CDK11B: variants seen among roughly 807,000 people sequenced by gnomAD.
CDK11B encodes the protein cyclin dependent kinase 11B, also known as cyclin-dependent kinase 11B.
Under a neutral mutation model 84.0 loss-of-function variants are expected in CDK11B, and 37 were observed. That is an observed-to-expected ratio of 0.44 (90% CI 0.34 to 0.58). The LOEUF (loss-of-function observed/expected upper bound fraction) is 0.58. CDK11B is among the 20% of genes least tolerant of loss of function. The probability of loss-of-function intolerance (pLI) is 0.02; values close to 1 mark genes in which losing one functional copy is unlikely to be tolerated. For missense variants in CDK11B, 427 were observed against 834.0 expected (o/e 0.51, Z 6.01); for synonymous variants, 269 against 309.8 (o/e 0.87, Z 1.38).
intron 5 of CDK11B, chr1:1,645,932 G>A (rs551517067): frequency 1.4e-5 from 5 of 353,654 alleles, no homozygotes; most frequent in African/African-American, 6.5e-5. Flanking sequence ...TCCATCTCAC[G>A]AGTTCAAGTG....
intron 3 of CDK11B, among the ~76,000 whole-genome samples, chr1:1,654,771 G>A (rs942566133): frequency 5.3e-5 from 8 of 151,326 alleles, no homozygotes; most frequent in African/African-American, 1.9e-4. Context: ...CCATTCTCTT[G>A]CCTCAGCCTC....
At chr1:1,650,914 A>C (rs1641924808) in intron 4 of CDK11B, among the ~76,000 whole-genome samples, 2 of 152,174 alleles carry the variant, frequency 1.3e-5, no homozygotes, top group African/African-American at 4.8e-5. Flanking sequence ...AGAAGAGCAG[A>C]ATTGTAATAT....
chr1:1,641,272 G>T (rs1297411475), intron 9 of CDK11B, among the ~76,000 whole-genome samples, 159 bp from the exon 10 acceptor site: 1 of 146,880 alleles, frequency 6.8e-6, no homozygotes, highest in Non-Finnish European at 1.5e-5. Flanking sequence ...GCTTTGGGAG[G>T]CCAAGGCGGG....
chr1:1,637,000 C>T lies in CDK11B; in HGVS notation c.1697G>A (p.Gly566Asp). 6.2e-7 allele frequency: 1 copy of T among 1,612,536 alleles called. No homozygotes were observed. Among genetic ancestry groups the T allele is most frequent in the South Asian group, 1.1e-5 (1 of 90,998 alleles). The change falls in exon 16 of 20, where the codon GGT (glycine) becomes GAT (aspartate). Residue 566 changes from glycine to aspartate, a missense_variant. By Grantham distance (94) the Gly-to-Asp change is moderately conservative. Coordinates refer to ENST00000341832, the MANE Select transcript of CDK11B (RefSeq NM_033486.3). Reference sequence around the variant, plus strand: ...GTACTCCCGCGCCAGCCCGAAGTCACCCACCTGCAACGACAGATGGGCGGC... The same window carrying T: ...GTACTCCCGCGCCAGCCCGAAGTCATCCACCTGCAACGACAGATGGGCGGC... ...LLSHAGILKVGDFGLAREYGS... is the reference protein window; with the variant it reads ...LLSHAGILKVDDFGLAREYGS...
Position 1,636,905 on chromosome 1 carries a change from C to T in CDK11B, c.1792G>A (p.Gly598Ser), listed in dbSNP as rs772985283. 9 of 1,606,206 alleles carry T rather than the reference C, an allele frequency of 5.6e-6. No homozygotes were observed. Among genetic ancestry groups the T allele is most frequent in the South Asian group, 1.1e-5 (1 of 90,318 alleles). The change falls in exon 16 of 20, where the codon GGT becomes AGT. Residue 598 changes from glycine (G) to serine (S), a missense_variant. Gly to Ser is a moderately conservative substitution (Grantham distance 56). Coordinates refer to ENST00000341832, the MANE Select transcript of CDK11B (RefSeq NM_033486.3). ...AGACGCCCAGGACTCACCTTGGCAC[C>T]AAGCAGCAGCTCTGGGGCGCGGTAC... The part of the protein sequence containing the change: ...LWYRAPELLL[G>S]AKEYSTAVDM...
intron 6 of CDK11B, 104 bp from the exon 7 acceptor site, chr1:1,642,612 CA>C: frequency 7.5e-6 from 1 of 132,562 alleles, no homozygotes; most frequent in Non-Finnish European, 1.3e-5. Context: ...ACCTGGCAGA[CA>C]CACCCACAGC....
At chr1:1,647,492 C>T (rs1332420461) in intron 5 of CDK11B, among the ~76,000 whole-genome samples, 4 of 152,262 alleles carry the variant, frequency 2.6e-5, no homozygotes, top group Non-Finnish European at 5.9e-5. Flanking sequence ...GGCTGCACAG[C>T]TTAGCAATTA....
At chr1:1,650,140 G>C (rs1440709622) in intron 4 of CDK11B, among the ~76,000 whole-genome samples, 1 of 148,706 alleles carries the variant, frequency 6.7e-6, no homozygotes, top group Non-Finnish European at 1.5e-5. Context: ...TGTGGTGGCG[G>C]GCACCTGTAG....
At chr1:1,646,572 G>A (rs1570139654) in intron 5 of CDK11B, 1 of 514,870 alleles carries the variant, frequency 1.9e-6, no homozygotes, top group South Asian at 1.4e-5. Context: ...ATAGTTACAG[G>A]ATATTGACGT....
At chr1:1,637,668 A>C (rs886723707) in intron 13 of CDK11B, 94 bp downstream of exon 13, 2 of 1,611,026 alleles carry the variant, frequency 1.2e-6, no homozygotes, top group African/African-American at 2.7e-5. Flanking sequence ...CACTAAGTGC[A>C]GGAGAGTGTA....
At chr1:1,637,689 G>C in intron 13 of CDK11B, 73 bp downstream of exon 13, 1 of 1,612,390 alleles carries the variant, frequency 6.2e-7, no homozygotes, top group Non-Finnish European at 8.5e-7. Flanking sequence ...GGAAGCACCC[G>C]GCCCCAGGAC....
chr1:1,639,372 A>C (rs1187349686), intron 11 of CDK11B, among the ~76,000 whole-genome samples: 2 of 151,718 alleles, frequency 1.3e-5, no homozygotes, highest in African/African-American at 2.4e-5. Flanking sequence ...AGCTATGATT[A>C]AGCCACTCCA....
At chr1:1,652,625 C>T (rs1642155531) in intron 3 of CDK11B, 59 bp from the exon 4 acceptor site, 1 of 1,290,810 alleles carries the variant, frequency 7.7e-7, no homozygotes, top group Non-Finnish European at 1.0e-6. Flanking sequence ...AAGCATCAGG[C>T]TATTATAAGG....
intron 14 of CDK11B, 79 bp from the exon 15 acceptor site, chr1:1,637,281 G>C: frequency 6.3e-7 from 1 of 1,581,038 alleles, no homozygotes; most frequent in Non-Finnish European, 8.6e-7. Flanking sequence ...CGCCTCGGCA[G>C]CAACAGAGGC....
intron 2 of CDK11B, 54 bp from the exon 3 acceptor site, chr1:1,655,538 T>G (rs1642631950): frequency 1.3e-6 from 2 of 1,499,376 alleles, no homozygotes; most frequent in Admixed American, 4.4e-5. Flanking sequence ...TTTTTCTTCA[T>G]AGATAAAAGT....
At chr1:1,637,321 G>A in intron 14 of CDK11B, 87 bp downstream of exon 14, 3 of 1,568,222 alleles carry the variant, frequency 1.9e-6, no homozygotes, top group Non-Finnish European at 8.7e-7. Context: ...GGATGCAGCT[G>A]GCCCTCCCTG....
intron 3 of CDK11B, 107 bp from the exon 4 acceptor site, chr1:1,652,673 A>T (rs1445560859): frequency 6.6e-6 from 5 of 758,558 alleles, no homozygotes; most frequent in Middle Eastern, 2.6e-4. Context: ...TCAGACAGGA[A>T]CAAAGCTGAA....
intron 5 of CDK11B, among the ~76,000 whole-genome samples, chr1:1,648,301 A>C (rs1641435176): frequency 1.3e-5 from 2 of 149,502 alleles, no homozygotes; most frequent in South Asian, 4.3e-4. Context: ...TCGTGGGACA[A>C]GACACACTCA....
Position 1,637,399 on chromosome 1 carries a change from C to G in CDK11B, c.1570+9G>C. On this transcript the variant is annotated intron_variant, in intron 14 of 19. Transcript: ENST00000341832. ...TGTACGCAGACAGGCCCCTGGGGCG[C>G]GGCTGTACCTGGCAGGAAGGGCTGT... 6.2e-7 allele frequency: 1 copy of G among 1,612,840 alleles called. No individual in the cohort carries two copies. The highest frequency in any genetic ancestry group is 8.5e-7 in the Non-Finnish European group (1 of 1,179,406).
Sources: allele counts gnomAD v4.1 joint callset (sites outside exome capture counted in the v4.1 genomes callset), GRCh38; gene constraint gnomAD v4.1.1; transcripts MANE v1.5; gene names NCBI Gene and HGNC (gene_info 2026-07-23, HGNC 2026-07-21).